Variants in XNDC1N observed in about 807,000 individuals in gnomAD.
XNDC1N encodes the protein protein XNDC1N.
At chr11:71,893,760 C>G in the XNDC1N span, 1 of 1,138,316 alleles carries the variant, frequency 8.8e-7, no homozygotes, top group African/African-American at 1.6e-5. Flanking sequence ...ATGCGGACTG[C>G]CTGACACAGA....
chr11:71,918,933 C>T, the XNDC1N span: 1 of 702,996 alleles, frequency 1.4e-6, no homozygotes, highest in South Asian at 1.5e-5. Context: ...TGTAGTTCTA[C>T]TTTCAATTGC....
the XNDC1N span, among the ~76,000 whole-genome samples, chr11:71,884,934 T>C: frequency 2.1e-5 from 3 of 141,078 alleles, no homozygotes; most frequent in South Asian, 2.5e-4. Context: ...AGGACCCCCA[T>C]TGCAGGGGGA....
the XNDC1N span, chr11:71,917,729 A>G: frequency 1.4e-6 from 1 of 703,282 alleles, no homozygotes; most frequent in Non-Finnish European, 2.6e-6. Context: ...TCCAGGGGCC[A>G]GGAAGAATGG....
the XNDC1N span, chr11:71,917,379 T>A: frequency 1.6e-6 from 1 of 610,012 alleles, no homozygotes; most frequent in East Asian, 2.7e-5. Flanking sequence ...CCACAAGTTA[T>A]ATATAAATAT....
At chr11:71,868,805 C>T in the XNDC1N span, among the ~76,000 whole-genome samples, 1 of 152,078 alleles carries the variant, frequency 6.6e-6, no homozygotes, top group South Asian at 2.1e-4. Context: ...TCTGCATTTC[C>T]TAAATTTGAA....
the XNDC1N span, among the ~76,000 whole-genome samples, chr11:71,925,614 TATAAAAATA>T: frequency 1.3e-5 from 2 of 152,130 alleles, no homozygotes; most frequent in African/African-American, 4.8e-5. Flanking sequence ...ATTTTAGAGA[TATAAAAATA>T]ATAAAAATAA....
the XNDC1N span, among the ~76,000 whole-genome samples, chr11:71,883,750 T>A: frequency 2.0e-5 from 3 of 152,274 alleles, no homozygotes; most frequent in South Asian, 6.2e-4. Flanking sequence ...AAGGGAATAT[T>A]TATGGGAGAT....
the XNDC1N span, among the ~76,000 whole-genome samples, chr11:71,889,293 G>A: frequency 0.045 from 6,786 of 152,300 alleles, 518 homozygotes; most frequent in African/African-American, 0.16. Context: ...ATTAGAAGCA[G>A]TATGGAAACC....
chr11:71,884,913 C>G, the XNDC1N span, among the ~76,000 whole-genome samples: 1 of 149,898 alleles, frequency 6.7e-6, no homozygotes, highest in Non-Finnish European at 1.5e-5. Flanking sequence ...CTTCTTGCCC[C>G]TCTGACTCTT....
At chr11:71,891,936 T>C in the XNDC1N span, among the ~76,000 whole-genome samples, 1 of 151,724 alleles carries the variant, frequency 6.6e-6, no homozygotes, top group Non-Finnish European at 1.5e-5. Context: ...AACATCATTC[T>C]CTCCACCTCC....
At chr11:71,883,948 T>G in the XNDC1N span, among the ~76,000 whole-genome samples, 1 of 152,188 alleles carries the variant, frequency 6.6e-6, no homozygotes, top group East Asian at 1.9e-4. Context: ...TTTCCACTTT[T>G]CCACCACCAT....
chr11:71,908,606 G>T, the XNDC1N span, among the ~76,000 whole-genome samples: 63 of 152,142 alleles, frequency 4.1e-4, 1 homozygote, highest in South Asian at 3.5e-3. Context: ...CGTGTTTTTG[G>T]GTACCAGCCC....
chr11:71,879,207 G>C, the XNDC1N span, among the ~76,000 whole-genome samples: 1 of 152,122 alleles, frequency 6.6e-6, no homozygotes, highest in Admixed American at 6.5e-5. Context: ...TCCAGGCAAG[G>C]ACCTAGCCTC....
the XNDC1N span, among the ~76,000 whole-genome samples, chr11:71,904,704 C>T: frequency 6.6e-6 from 1 of 152,052 alleles, no homozygotes; most frequent in Non-Finnish European, 1.5e-5. Context: ...AATAATGACA[C>T]AGGCGGTTGA....
At chr11:71,926,000 G>C in the XNDC1N span, 7 of 152,222 alleles carry the variant, frequency 4.6e-5, no homozygotes, top group Admixed American at 2.0e-4. Flanking sequence ...GGCCAGGCAT[G>C]GTGGCTCAGG....
the XNDC1N span, chr11:71,916,507 AG>A: frequency 2.2e-6 from 1 of 453,262 alleles, no homozygotes; most frequent in South Asian, 3.0e-5. Flanking sequence ...CACTATTCTC[AG>A]CATGAATTCT....
chr11:71,885,599 T>C, the XNDC1N span, among the ~76,000 whole-genome samples: 3 of 152,138 alleles, frequency 2.0e-5, no homozygotes, highest in Non-Finnish European at 4.4e-5. Flanking sequence ...TTGAACGTAA[T>C]ATCATGCTCT....
At chr11:71,899,364 G>T in the XNDC1N span, among the ~76,000 whole-genome samples, 29 of 152,306 alleles carry the variant, frequency 1.9e-4, no homozygotes, top group African/African-American at 7.0e-4. Flanking sequence ...GGGCAGTTCA[G>T]TGAGTGTAGG....
the XNDC1N span, among the ~76,000 whole-genome samples, chr11:71,885,051 T>A: frequency 5.9e-5 from 9 of 152,178 alleles, no homozygotes; most frequent in Non-Finnish European, 2.9e-5. Flanking sequence ...GTGAGTAATA[T>A]CATCTCCCGC....
Sources: allele counts gnomAD v4.1 joint callset (sites outside exome capture counted in the v4.1 genomes callset), GRCh38; gene constraint gnomAD v4.1.1; transcripts MANE v1.5; gene names NCBI Gene and HGNC (gene_info 2026-07-23, HGNC 2026-07-21).